Variants in ARFGEF2 observed in about 807,000 individuals in gnomAD.
The protein encoded by ARFGEF2 is ARF guanine nucleotide exchange factor 2.
In ARFGEF2, 74 loss-of-function variants were observed where a neutral mutation model predicts 219.9. That is an observed-to-expected ratio of 0.34 (90% CI 0.28 to 0.41). The LOEUF is 0.41. ARFGEF2 is among the 10% of genes least tolerant of loss of function. The probability of loss-of-function intolerance (pLI) is 1.00; values close to 1 mark genes in which losing one functional copy is unlikely to be tolerated. For missense variants in ARFGEF2, 1,743 were observed against 2,218.3 expected, an observed-to-expected ratio of 0.79 and a Z score of 4.30; for synonymous variants, 733 against 799.2, an observed-to-expected ratio of 0.92 and a Z score of 1.40.
chr20:48,966,718 C>T (rs1034208231), intron 8 of ARFGEF2, among the ~76,000 whole-genome samples: 1 of 152,184 alleles, frequency 6.6e-6, no homozygotes, highest in Non-Finnish European at 1.5e-5. Flanking sequence ...TTGCCCCTTC[C>T]TCCAAGAAAA....
At chr20:49,013,005 G>A (rs1057472914) in intron 28 of ARFGEF2, among the ~76,000 whole-genome samples, 6 of 152,130 alleles carry the variant, frequency 3.9e-5, no homozygotes, top group Non-Finnish European at 8.8e-5. Flanking sequence ...AAGACTGCCA[G>A]GTCCTAGCTG....
intron 1 of ARFGEF2, among the ~76,000 whole-genome samples, chr20:48,935,016 G>C (rs866545459): frequency 1.3e-5 from 2 of 152,198 alleles, no homozygotes. Context: ...TCCAGCATCT[G>C]TTGTTTCCTG....
At position 49,033,032 on chromosome 20, in the gene ARFGEF2, C is replaced by T. The variant is rs374689193; in HGVS notation, c.5191C>T (p.His1731Tyr). The T allele has an allele frequency of 6.2e-7, 1 of 1,614,018 alleles. No homozygotes were observed. Among genetic ancestry groups the T allele is most frequent in the African/African-American group, 1.3e-5 (1 of 74,998 alleles). The change falls in exon 39 of 39, where the codon CAT (histidine) becomes TAT (tyrosine). Residue 1731 changes from histidine (H) to tyrosine (Y), a missense_variant. Coordinates refer to ENST00000371917, the MANE Select transcript of ARFGEF2 (RefSeq NM_006420.3). ...LKINDEKFKA[H>Y]ASMYYPYLCE... ...TCTCTCCCACCTCAAGTTCAAAGCA[C>T]ATGCTTCAATGTACTACCCCTACTT...
At chr20:49,027,088 A>C (rs1020292925) in intron 36 of ARFGEF2, among the ~76,000 whole-genome samples, 1 of 147,306 alleles carries the variant, frequency 6.8e-6, no homozygotes, top group African/African-American at 2.5e-5. Flanking sequence ...TTTATTATTT[A>C]TTTTTTTATT....
chr20:48,983,463 A>G (rs2091308829), intron 14 of ARFGEF2, among the ~76,000 whole-genome samples: 1 of 152,242 alleles, frequency 6.6e-6, no homozygotes, highest in South Asian at 2.1e-4. Flanking sequence ...CCTCTAGTGT[A>G]TTCTGCCCAC....
At chr20:48,936,318 C>T (rs1206558491) in intron 1 of ARFGEF2, among the ~76,000 whole-genome samples, 1 of 146,956 alleles carries the variant, frequency 6.8e-6, no homozygotes, top group East Asian at 2.0e-4. Context: ...CCACCTCCCT[C>T]CCGGACGGGG....
chr20:49,032,402 T>C (rs1339839128), intron 38 of ARFGEF2, among the ~76,000 whole-genome samples: 1 of 151,392 alleles, frequency 6.6e-6, no homozygotes, highest in Non-Finnish European at 1.5e-5. Flanking sequence ...GTAGACCTCA[T>C]GTGTTGCTGT....
At chr20:48,954,524 A>G (rs937712031) in intron 6 of ARFGEF2, among the ~76,000 whole-genome samples, 1 of 152,196 alleles carries the variant, frequency 6.6e-6, no homozygotes, top group African/African-American at 2.4e-5. Flanking sequence ...GTTGTTCTAT[A>G]CAAAATATCT....
At chr20:49,024,824 C>T (rs1273360278) in intron 35 of ARFGEF2, among the ~76,000 whole-genome samples, 1 of 152,022 alleles carries the variant, frequency 6.6e-6, no homozygotes, top group Non-Finnish European at 1.5e-5. Flanking sequence ...GGTGAAACCC[C>T]GTCTTTACTA....
At chr20:48,977,919 C>T (rs1164475747) in intron 14 of ARFGEF2, among the ~76,000 whole-genome samples, 3 of 152,198 alleles carry the variant, frequency 2.0e-5, no homozygotes, top group African/African-American at 7.2e-5. Flanking sequence ...TTCTCCCATT[C>T]TGTAGGTTGC....
At chr20:49,029,805 C>T (rs2091623130) in intron 37 of ARFGEF2, among the ~76,000 whole-genome samples, 1 of 151,730 alleles carries the variant, frequency 6.6e-6, no homozygotes, top group Admixed American at 6.6e-5. Flanking sequence ...GTTGGTCAGG[C>T]TAGTCTCAAA....
chr20:48,953,200 G>T (rs1162047980), intron 5 of ARFGEF2, among the ~76,000 whole-genome samples: 12 of 145,878 alleles, frequency 8.2e-5, no homozygotes, highest in South Asian at 2.2e-4. Context: ...TTTGGAGAGA[G>T]GGTCTTGTTC....
At chr20:48,948,606 C>T (rs2091044572) in intron 3 of ARFGEF2, among the ~76,000 whole-genome samples, 1 of 152,216 alleles carries the variant, frequency 6.6e-6, no homozygotes, top group South Asian at 2.1e-4. Context: ...CTTACCCTAA[C>T]CTCTGTTTAT....
At chr20:48,961,083 T>TATAATAATA (rs371551603) in intron 6 of ARFGEF2, among the ~76,000 whole-genome samples, 502 of 144,000 alleles carry the variant, frequency 3.5e-3, no homozygotes, top group East Asian at 9.7e-3. Flanking sequence ...TGTCTCAAAA[T>TATAATAATA]ATAATAATAA....
At chr20:48,961,557 CAA>C (rs1243312138) in intron 6 of ARFGEF2, among the ~76,000 whole-genome samples, 3 of 150,760 alleles carry the variant, frequency 2.0e-5, no homozygotes, top group African/African-American at 7.3e-5. Context: ...AAGTAGAAGG[CAA>C]TGACAATAAA....
At chr20:48,964,928 T>G (rs1245160846) in intron 7 of ARFGEF2, among the ~76,000 whole-genome samples, 1 of 152,198 alleles carries the variant, frequency 6.6e-6, no homozygotes, top group Non-Finnish European at 1.5e-5. Context: ...TGAAATGTGT[T>G]TCAGTTACTT....
intron 26 of ARFGEF2, among the ~76,000 whole-genome samples, 188 bp from the exon 27 acceptor site, chr20:49,010,044 G>T (rs2091487178): frequency 6.6e-6 from 1 of 152,198 alleles, no homozygotes; most frequent in African/African-American, 2.4e-5. Context: ...ATTGCAGGAT[G>T]GTGGTTGTAG....
At chr20:48,968,649 A>T (rs1457266612) in intron 8 of ARFGEF2, among the ~76,000 whole-genome samples, 2 of 152,216 alleles carry the variant, frequency 1.3e-5, no homozygotes, top group Admixed American at 1.3e-4. Context: ...GGCGTGAGCC[A>T]TTCATCGCAC....
rs770951630 is a variant in ARFGEF2 at position 48,998,178 on chromosome 20, G to T, written c.3222-15G>T. On this transcript the variant is annotated splice_polypyrimidine_tract_variant and intron_variant, in intron 23 of 38. Coordinates refer to ENST00000371917, the MANE Select transcript of ARFGEF2 (RefSeq NM_006420.3). ...CCCGGTCTAATGTTTATTTTGTCTGGAATTATCTTCCTAGGATTTTTACTG... is the reference window on the plus strand; with the variant it reads ...CCCGGTCTAATGTTTATTTTGTCTGTAATTATCTTCCTAGGATTTTTACTG... 5 of 1,613,254 alleles carry T rather than the reference G, an allele frequency of 3.1e-6. No individual in the cohort carries two copies. In the African/African-American group the frequency reaches 4.0e-5, roughly 13 times the overall value.
Sources: allele counts gnomAD v4.1 joint callset (sites outside exome capture counted in the v4.1 genomes callset), GRCh38; gene constraint gnomAD v4.1.1; transcripts MANE v1.5; gene names NCBI Gene and HGNC (gene_info 2026-07-23, HGNC 2026-07-21).